Variants in CATSPER3 observed in about 807,000 individuals in gnomAD.
CATSPER3 encodes cation channel sperm associated 3.
A neutral mutation model predicts 36.6 loss-of-function variants in CATSPER3; 23 were observed. The observed-to-expected ratio is 0.63, with a 90% confidence interval of 0.45 to 0.89. The LOEUF is 0.89. CATSPER3 is among the 40% of genes least tolerant of loss of function. The pLI is 0.00. For synonymous variants in CATSPER3, 172 were observed against 184.1 expected (o/e 0.93, Z 0.53); for missense variants, 474 against 503.9 (o/e 0.94, Z 0.57).
At chr5:134,996,187 C>T in intron 2 of CATSPER3, 86 bp from the exon 3 acceptor site, 1 of 1,576,248 alleles carries the variant, frequency 6.3e-7, no homozygotes, top group Non-Finnish European at 8.7e-7. Flanking sequence ...TAGGAGCACC[C>T]CTTCCGGGGC....
intron 3 of CATSPER3, among the ~76,000 whole-genome samples, chr5:135,002,262 C>A (rs373142134): frequency 6.6e-6 from 1 of 152,186 alleles, no homozygotes; most frequent in African/African-American, 2.4e-5. Flanking sequence ...GTTGAAAATT[C>A]TTTTCTTTCA....
At chr5:134,972,106 G>A (rs1474124288) in intron 2 of CATSPER3, among the ~76,000 whole-genome samples, 3 of 152,202 alleles carry the variant, frequency 2.0e-5, no homozygotes, top group African/African-American at 7.2e-5. Flanking sequence ...TATACAGGCT[G>A]AGCATCCCGA....
chr5:135,002,458 G>A (rs866167420), intron 3 of CATSPER3, among the ~76,000 whole-genome samples: 4 of 152,174 alleles, frequency 2.6e-5, no homozygotes, highest in African/African-American at 4.8e-5. Flanking sequence ...TGCTCTTCTC[G>A]AGGAGTATCT....
rs542567752 is a variant in CATSPER3 at position 134,974,088 on chromosome 5, GAA to G, written c.252+3999_252+4000del. 7.0e-4 allele frequency among the ~76,000 whole-genome samples: 106 copies of G among 152,260 alleles called. 1 individual carries two copies. Among genetic ancestry groups the G allele is most frequent in the African/African-American group, 2.2e-3 (92 of 41,566 alleles). The stretch of plus-strand genomic sequence containing the variant: ...ATTGATCTAGGCACTGAGCATCAAT[GAA>G]AAGAGAGACAACCAGAAATTATGTG... On this transcript the variant is annotated intron_variant, in intron 2 of 7. Transcript: ENST00000282611.
chr5:135,004,184 C>G (rs1752056409), intron 3 of CATSPER3, among the ~76,000 whole-genome samples: 1 of 152,272 alleles, frequency 6.6e-6, no homozygotes. Flanking sequence ...ACTCCTCTCT[C>G]AAGCTTTGTT....
At chr5:134,971,853 A>G (rs1394352701) in intron 2 of CATSPER3, among the ~76,000 whole-genome samples, 1 of 152,224 alleles carries the variant, frequency 6.6e-6, no homozygotes, top group African/African-American at 2.4e-5. Context: ...AGGAGGAACC[A>G]GGATACCTCA....
chr5:134,983,099 A>C (rs1351135523), intron 2 of CATSPER3, among the ~76,000 whole-genome samples: 2 of 152,176 alleles, frequency 1.3e-5, no homozygotes, highest in Admixed American at 6.5e-5. Flanking sequence ...GGCACAGTAC[A>C]AAAAAATCAG....
At chr5:135,004,583 T>G (rs112217648) in intron 3 of CATSPER3, among the ~76,000 whole-genome samples, 54 of 151,946 alleles carry the variant, frequency 3.6e-4, no homozygotes, top group African/African-American at 9.9e-4. Flanking sequence ...TGTAATCTGG[T>G]TTTTCCAGGT....
chr5:134,988,603 C>G (rs1422607750), intron 2 of CATSPER3, among the ~76,000 whole-genome samples: 5 of 152,216 alleles, frequency 3.3e-5, no homozygotes, highest in Admixed American at 2.0e-4. Context: ...TGAAAAGCAA[C>G]TCCTCATCTC....
intron 7 of CATSPER3, 23 bp from the exon 8 acceptor site, chr5:135,011,498 T>C (rs1313068539): frequency 3.1e-6 from 5 of 1,587,386 alleles, no homozygotes; most frequent in Non-Finnish European, 4.3e-6. Flanking sequence ...TCAGATCTTA[T>C]CTCCTCCTGC....
At chr5:135,000,248 C>A (rs1187020566) in intron 3 of CATSPER3, among the ~76,000 whole-genome samples, 1 of 152,148 alleles carries the variant, frequency 6.6e-6, no homozygotes, top group Admixed American at 6.5e-5. Flanking sequence ...TAGGATGCAG[C>A]CTTGCATCCC....
intron 2 of CATSPER3, among the ~76,000 whole-genome samples, chr5:134,972,633 T>G (rs1210152938): frequency 6.6e-6 from 1 of 151,876 alleles, no homozygotes; most frequent in Non-Finnish European, 1.5e-5. Flanking sequence ...ATGATGAACA[T>G]CGAAGATGGG....
At chr5:134,969,910 A>G in intron 1 of CATSPER3, 29 bp from the exon 2 acceptor site, 5 of 1,613,574 alleles carry the variant, frequency 3.1e-6, no homozygotes, top group Non-Finnish European at 4.2e-6. Context: ...TTGTGCTGTA[A>G]CCATACTTCA....
chr5:134,975,034 G>A (rs548612148), intron 2 of CATSPER3: 2 of 151,968 alleles, frequency 1.3e-5, no homozygotes, highest in Non-Finnish European at 2.9e-5. Flanking sequence ...TCAAGCCCCA[G>A]CTTCCTACCT....
intron 3 of CATSPER3, among the ~76,000 whole-genome samples, chr5:134,997,712 C>T (rs1051399951): frequency 3.0e-4 from 45 of 152,276 alleles, no homozygotes; most frequent in Non-Finnish European, 4.3e-4. Flanking sequence ...CTCCTCTGCT[C>T]CCTCTGCACA....
chr5:134,983,390 C>G (rs1435186860), intron 2 of CATSPER3, among the ~76,000 whole-genome samples: 1 of 152,036 alleles, frequency 6.6e-6, no homozygotes, highest in Non-Finnish European at 1.5e-5. Flanking sequence ...CAAAAATTAG[C>G]CAGGTGTGGT....
intron 2 of CATSPER3, among the ~76,000 whole-genome samples, chr5:134,970,568 ATTTTTT>A (rs35264342): frequency 2.4e-5 from 3 of 124,236 alleles, no homozygotes; most frequent in Non-Finnish European, 3.3e-5. Context: ...GACATGGTGG[ATTTTTT>A]TTTTTTTTTT....
chr5:134,992,472 C>T (rs1381253654), intron 2 of CATSPER3, among the ~76,000 whole-genome samples: 1 of 152,102 alleles, frequency 6.6e-6, no homozygotes, highest in African/African-American at 2.4e-5. Flanking sequence ...CACCTGTAAT[C>T]CTAGCACTTT....
intron 3 of CATSPER3, 66 bp from the exon 4 acceptor site, chr5:135,007,891 C>T: frequency 8.2e-7 from 1 of 1,224,442 alleles, no homozygotes; most frequent in Non-Finnish European, 1.1e-6. Context: ...GCAGAATGGA[C>T]CTCTGTCCCT....
Sources: allele counts gnomAD v4.1 joint callset (sites outside exome capture counted in the v4.1 genomes callset), GRCh38; gene constraint gnomAD v4.1.1; transcripts MANE v1.5; gene names NCBI Gene and HGNC (gene_info 2026-07-23, HGNC 2026-07-21).